Variants in NR3C1 observed in about 807,000 individuals in gnomAD.
NR3C1 encodes the protein glucocorticoid receptor.
NR3C1 carries 14 observed loss-of-function variants against 74.0 expected under a neutral mutation model. That is an observed-to-expected ratio of 0.19 (90% CI 0.12 to 0.30). NR3C1 has a LOEUF of 0.30. NR3C1 is among the 10% of genes least tolerant of loss of function. The probability of loss-of-function intolerance (pLI) is 1.00; values close to 1 mark genes in which losing one functional copy is unlikely to be tolerated. For synonymous variants in NR3C1, 308 were observed against 332.5 expected (o/e 0.93, Z 0.80); for missense variants, 695 against 909.8 (o/e 0.76, Z 3.04).
chr5:143,423,063 T>C lies in NR3C1; in HGVS notation c.-14+11469A>G, dbSNP rs1341533292. On this transcript the variant is annotated intron_variant, in intron 1 of 8. Transcript: ENST00000343796. ...TTTTTGTATATGGCAAGAGATGACA[T>C]TGGTCTGGCCAAATATTTTTTGAAT... is the stretch of plus-strand genomic sequence containing the variant. 2.6e-5 allele frequency among the ~76,000 whole-genome samples: 4 copies of C among 152,300 alleles called. No homozygotes were observed. In the East Asian group the frequency reaches 7.7e-4, roughly 29 times the overall value.
intron 2 of NR3C1, among the ~76,000 whole-genome samples, chr5:143,318,238 A>G (rs1037496449): frequency 6.6e-5 from 10 of 152,170 alleles, no homozygotes; most frequent in African/African-American, 1.9e-4. Context: ...ATGGTCCTCC[A>G]GAAACTTAAG....
chr5:143,291,067 T>G (rs1815823206), intron 7 of NR3C1, among the ~76,000 whole-genome samples: 1 of 152,176 alleles, frequency 6.6e-6, no homozygotes, highest in Non-Finnish European at 1.5e-5. Flanking sequence ...CATACCCTAT[T>G]TCTAGTTGTC....
chr5:143,340,309 G>T, intron 2 of NR3C1, among the ~76,000 whole-genome samples: 1 of 151,734 alleles, frequency 6.6e-6, no homozygotes. Flanking sequence ...TACCCAAATT[G>T]ATTTAATTTC....
chr5:143,390,468 T>C lies in NR3C1; in HGVS notation c.1184+9188A>G, dbSNP rs1029887555. 1.4e-4 allele frequency among the ~76,000 whole-genome samples: 22 copies of C among 152,166 alleles called. 1 individual carries two copies. The highest frequency in any genetic ancestry group is 1.3e-4 in the Non-Finnish European group (9 of 67,996). Reference sequence around the variant, plus strand: ...CATTATGTTTACTTTATATCTGCTATTGCCAAATTCAAGTCCAAGCCAAAA... The same window carrying C: ...CATTATGTTTACTTTATATCTGCTACTGCCAAATTCAAGTCCAAGCCAAAA... On this transcript the variant is annotated intron_variant, in intron 2 of 8. Transcript: ENST00000394464.
At chr5:143,430,675 G>A (rs531033135) in intron 1 of NR3C1, among the ~76,000 whole-genome samples, 67 of 152,294 alleles carry the variant, frequency 4.4e-4, no homozygotes, top group Admixed American at 1.3e-3. Flanking sequence ...CTATGAACTA[G>A]GATGCAGGCC....
intron 2 of NR3C1, among the ~76,000 whole-genome samples, chr5:143,341,386 A>C (rs779214619): frequency 2.0e-5 from 3 of 152,232 alleles, no homozygotes; most frequent in Non-Finnish European, 4.4e-5. Flanking sequence ...TATTTAAGCA[A>C]AGTTATTAGA....
chr5:143,421,942 G>A (rs759557148), intron 1 of NR3C1, among the ~76,000 whole-genome samples: 22 of 152,226 alleles, frequency 1.4e-4, no homozygotes, highest in Non-Finnish European at 2.8e-4. Flanking sequence ...TCATTGCAGA[G>A]TATGGAACAC....
intron 1 of NR3C1, among the ~76,000 whole-genome samples, chr5:143,432,326 C>CA (rs1352480641): frequency 2.6e-5 from 4 of 152,184 alleles, no homozygotes. Flanking sequence ...AGGCATCTAG[C>CA]ATATATTCCA....
Position 143,322,496 on chromosome 5 carries a change from G to A in NR3C1, c.1185-8328C>T, listed in dbSNP as rs138270253. Among the ~76,000 whole-genome samples the A allele has an allele frequency of 1.0e-3, 156 of 152,208 alleles. 3 individuals carry two copies. In the East Asian group the frequency reaches 0.022, roughly 22 times the overall value. ...TCATGACCTGCAAATGAAGATTTTT[G>A]CCCAAATAGGGATTGCCAGACTAGG... On this transcript the variant is annotated intron_variant, in intron 2 of 8. Coordinates refer to ENST00000394464, the MANE Select transcript of NR3C1 (RefSeq NM_000176.3).
chr5:143,391,342 C>T (rs931543364), intron 2 of NR3C1, among the ~76,000 whole-genome samples: 2 of 152,122 alleles, frequency 1.3e-5, no homozygotes, highest in African/African-American at 2.4e-5. Context: ...TCAAGTTTCA[C>T]AATCCTCCCA....
At chr5:143,429,115 A>G (rs573353699) in intron 1 of NR3C1, among the ~76,000 whole-genome samples, 5 of 152,354 alleles carry the variant, frequency 3.3e-5, no homozygotes, top group African/African-American at 1.2e-4. Context: ...AATAACAATG[A>G]TAATAATAGT....
At chr5:143,433,456 A>ATATATATATCATTTATTTATTTAAAT (rs1751953307) in intron 1 of NR3C1, among the ~76,000 whole-genome samples, 1 of 46,718 alleles carries the variant, frequency 2.1e-5, no homozygotes, top group Non-Finnish European at 6.2e-5. Context: ...TTTAAATTAT[A>ATATATATATCATTTATTTATTTAAAT]TATATATATA....
intron 2 of NR3C1, among the ~76,000 whole-genome samples, chr5:143,396,656 T>C (rs1839238333): frequency 6.6e-6 from 1 of 151,726 alleles, no homozygotes; most frequent in Non-Finnish European, 1.5e-5. Flanking sequence ...AAAATCTACA[T>C]AAATTTTAGT....
chr5:143,350,914 C>T (rs1458439462), intron 2 of NR3C1, among the ~76,000 whole-genome samples: 1 of 152,134 alleles, frequency 6.6e-6, no homozygotes, highest in Non-Finnish European at 1.5e-5. Flanking sequence ...GGAAAGTGCC[C>T]ACTGAATTTA....
At chr5:143,341,216 G>A (rs1021326066) in intron 2 of NR3C1, among the ~76,000 whole-genome samples, 3 of 152,136 alleles carry the variant, frequency 2.0e-5, no homozygotes, top group Non-Finnish European at 4.4e-5. Flanking sequence ...AATGTTAAAG[G>A]AAAACAAACC....
Position 143,379,669 on chromosome 5 carries a change from T to C in NR3C1, c.1184+19987A>G, listed in dbSNP as rs146528810. On this transcript the variant is annotated intron_variant, in intron 2 of 8. Transcript: ENST00000394464. Reference sequence around the variant, plus strand: ...CCAATAGAATGTGGTAGAAATATAGTTGTTCCAAGCCTAGGTCTTAAAGAG... The same window carrying C: ...CCAATAGAATGTGGTAGAAATATAGCTGTTCCAAGCCTAGGTCTTAAAGAG... Among the ~76,000 whole-genome samples, 891 of 152,322 alleles carry C rather than the reference T, an allele frequency of 5.8e-3. 5 individuals are homozygous for C. Among genetic ancestry groups the C allele is most frequent in the Non-Finnish European group, 8.9e-3 (605 of 68,024 alleles).
At chr5:143,391,930 C>A (rs1838302459) in intron 2 of NR3C1, among the ~76,000 whole-genome samples, 1 of 152,114 alleles carries the variant, frequency 6.6e-6, no homozygotes, top group Non-Finnish European at 1.5e-5. Context: ...AAAATTCCAC[C>A]TTGCATTTTT....
At chr5:143,389,640 A>G (rs1013142743) in intron 2 of NR3C1, among the ~76,000 whole-genome samples, 2 of 152,230 alleles carry the variant, frequency 1.3e-5, no homozygotes, top group Admixed American at 1.3e-4. Context: ...ACTCATCCCT[A>G]AAATACTGAA....
rs943113572 is a variant in NR3C1, at chr5:143,309,554, G to A, written c.1468+543C>T. ...CTCACAAACTTCGGGGATTACAGGC[G>A]TGAGCCACTGCACCCGGCCCAGGTT... On this transcript the variant is annotated intron_variant, in intron 4 of 8. Transcript: ENST00000394464. Among the ~76,000 whole-genome samples the A allele has an allele frequency of 7.2e-5, 11 of 152,066 alleles. 1 individual carries two copies. Among genetic ancestry groups the A allele is most frequent in the Admixed American group, 2.0e-4 (3 of 15,276 alleles).
Sources: gnomAD v4.1 joint callset for allele counts (sites outside exome capture counted in the v4.1 genomes callset) on GRCh38, gnomAD v4.1.1 for gene constraint, MANE v1.5 for transcripts, NCBI Gene and HGNC (gene_info 2026-07-23, HGNC 2026-07-21) for gene names.